The following CAMTA1 variants were observed in gnomAD, a reference collection of about 807,000 sequenced individuals.
The protein encoded by CAMTA1 is calmodulin binding transcription activator 1.
Under a neutral mutation model 170.9 loss-of-function variants are expected in CAMTA1, and 27 were observed. That is an observed-to-expected ratio of 0.16 (90% CI 0.12 to 0.22). The LOEUF (loss-of-function observed/expected upper bound fraction) is 0.22, where lower values mean the gene tolerates loss of function less well. Among genes scored for constraint, CAMTA1 ranks in the 10% least tolerant of loss-of-function variants. The pLI, the probability that CAMTA1 is intolerant of heterozygous loss-of-function variation, is 1.00. For missense variants in CAMTA1, 1,619 were observed against 2,217.2 expected (o/e 0.73, Z 5.42); for synonymous variants, 833 against 891.5 (o/e 0.93, Z 1.17).
intron 4 of CAMTA1, among the ~76,000 whole-genome samples, chr1:7,229,149 G>C (rs1410136385): frequency 6.6e-6 from 1 of 151,888 alleles, no homozygotes; most frequent in Non-Finnish European, 1.5e-5. Flanking sequence ...AGGAGGGAGA[G>C]TGGAGGTGAG....
At chr1:7,002,221 C>T (rs184253601) in intron 3 of CAMTA1, among the ~76,000 whole-genome samples, 1 of 152,210 alleles carries the variant, frequency 6.6e-6, no homozygotes, top group East Asian at 1.9e-4. Context: ...ATAGATTCTC[C>T]CCTGTTCTGT....
intron 5 of CAMTA1, among the ~76,000 whole-genome samples, chr1:7,254,885 C>T (rs1453235623): frequency 1.3e-5 from 2 of 152,182 alleles, no homozygotes; most frequent in Non-Finnish European, 2.9e-5. Context: ...GTTTGAAAAA[C>T]AGCAATAAAT....
chr1:7,201,348 A>G (rs1656656795), intron 4 of CAMTA1, among the ~76,000 whole-genome samples: 1 of 152,212 alleles, frequency 6.6e-6, no homozygotes, highest in South Asian at 2.1e-4. Flanking sequence ...ACATTTGTGC[A>G]CATGTTTTTG....
intron 5 of CAMTA1, among the ~76,000 whole-genome samples, chr1:7,386,092 C>A (rs1395430568): frequency 6.6e-6 from 1 of 152,164 alleles, no homozygotes; most frequent in South Asian, 2.1e-4. Flanking sequence ...TTCACAGGGA[C>A]CATTGTCAGG....
At chr1:6,979,667 G>T (rs965847837) in intron 3 of CAMTA1, among the ~76,000 whole-genome samples, 9 of 152,298 alleles carry the variant, frequency 5.9e-5, no homozygotes, top group African/African-American at 1.7e-4. Flanking sequence ...ACACTTAGAG[G>T]CGTTCTTAGA....
At position 7,561,821 on chromosome 1, in the gene CAMTA1, A is replaced by T. The variant is rs1012620212; in HGVS notation, c.511-78579A>T. On this transcript the variant is annotated intron_variant, in intron 6 of 22. Transcript: ENST00000303635. The surrounding 1 kb of genome is among the most constrained non-coding windows in gnomAD (Gnocchi z 5.3). ...TCCCACAAGCAGAAATGACTCGGGG[A>T]TGGATGAGAACGAACCCTCATCCCT... Among the ~76,000 whole-genome samples, 9 of 152,012 alleles carry T rather than the reference A, an allele frequency of 5.9e-5. No individual in the cohort carries two copies. The highest frequency in any genetic ancestry group is 1.9e-4 in the African/African-American group (8 of 41,392).
At chr1:7,118,033 G>A (rs1456437637) in intron 4 of CAMTA1, among the ~76,000 whole-genome samples, 2 of 152,160 alleles carry the variant, frequency 1.3e-5, no homozygotes, top group Non-Finnish European at 2.9e-5. Flanking sequence ...GGCTTACAAA[G>A]GCTTCATTAC....
At chr1:7,447,581 G>A (rs1235271013) in intron 5 of CAMTA1, among the ~76,000 whole-genome samples, 3 of 152,088 alleles carry the variant, frequency 2.0e-5, no homozygotes, top group Non-Finnish European at 2.9e-5. Context: ...CCTGGCACTC[G>A]CTAGGCATAT....
intron 3 of CAMTA1, among the ~76,000 whole-genome samples, chr1:7,060,801 T>A (rs868293288): frequency 6.6e-6 from 1 of 152,214 alleles, no homozygotes; most frequent in Non-Finnish European, 1.5e-5. Context: ...ATTGAAATTG[T>A]TCAAGAATTG....
chr1:7,212,691 TAAGA>T (rs1659000596), intron 4 of CAMTA1, among the ~76,000 whole-genome samples: 1 of 152,166 alleles, frequency 6.6e-6, no homozygotes, highest in South Asian at 2.1e-4. Flanking sequence ...TTGGCACAAT[TAAGA>T]TACAGAACAT....
intron 6 of CAMTA1, among the ~76,000 whole-genome samples, chr1:7,533,431 A>G (rs1448451824): frequency 6.6e-6 from 1 of 152,234 alleles, no homozygotes; most frequent in Non-Finnish European, 1.5e-5. Context: ...TTGACCTCTG[A>G]TAGCTTTATC....
At chr1:7,051,043 T>C (rs908790371) in intron 3 of CAMTA1, among the ~76,000 whole-genome samples, 2 of 152,126 alleles carry the variant, frequency 1.3e-5, no homozygotes, top group African/African-American at 4.8e-5. Flanking sequence ...TCAGCCCCTT[T>C]ATGTTTTGGT....
chr1:7,757,325 G>A (rs1261076478), intron 22 of CAMTA1, among the ~76,000 whole-genome samples: 1 of 152,158 alleles, frequency 6.6e-6, no homozygotes, highest in Non-Finnish European at 1.5e-5. Context: ...ATAAATGAAT[G>A]GCTATGGCTG....
intron 4 of CAMTA1, among the ~76,000 whole-genome samples, chr1:7,191,428 G>A (rs994900645): frequency 6.6e-6 from 1 of 152,186 alleles, no homozygotes; most frequent in African/African-American, 2.4e-5. Context: ...TATCAATAGT[G>A]TTGCGTTTTC....
chr1:7,389,129 C>G (rs2088388605), intron 5 of CAMTA1, among the ~76,000 whole-genome samples: 1 of 152,242 alleles, frequency 6.6e-6, no homozygotes, highest in Admixed American at 6.5e-5. Context: ...TGCAGCAGCA[C>G]AGAGCGAGTC....
chr1:6,890,087 C>T lies in CAMTA1; in HGVS notation c.234+64877C>T, dbSNP rs141404146. Among the ~76,000 whole-genome samples the T allele has an allele frequency of 4.9e-3, 741 of 152,278 alleles. 5 individuals are homozygous for T. The highest frequency in any genetic ancestry group is 0.016 in the African/African-American group (685 of 41,550). On this transcript the variant is annotated intron_variant, in intron 3 of 22. Coordinates refer to ENST00000303635, the MANE Select transcript of CAMTA1 (RefSeq NM_015215.4). ...GTGCCCTCTGGTGGCACACAGAGGA[C>T]GTCAGGCAGAGAGGGACTCTGACCC...
chr1:7,694,770 T>C (rs2096356827), intron 11 of CAMTA1: 1 of 152,446 alleles, frequency 6.6e-6, no homozygotes, highest in Non-Finnish European at 1.5e-5. Context: ...TGTCCCCTCC[T>C]CGATGGCTAC....
At chr1:7,315,278 G>A (rs182875728) in intron 5 of CAMTA1, among the ~76,000 whole-genome samples, 8 of 152,346 alleles carry the variant, frequency 5.3e-5, no homozygotes, top group Admixed American at 1.3e-4. Context: ...GTTGTCAGCT[G>A]AAGAAAATTG....
intron 3 of CAMTA1, among the ~76,000 whole-genome samples, chr1:6,956,873 C>G (rs1689546351): frequency 6.6e-6 from 1 of 152,218 alleles, no homozygotes; most frequent in South Asian, 2.1e-4. Flanking sequence ...GAGGCTCCTC[C>G]ACCCTCATCC....
Sources: gnomAD v4.1 joint callset for allele counts (sites outside exome capture counted in the v4.1 genomes callset) on GRCh38, gnomAD v4.1.1 for gene constraint, Gnocchi (gnomAD v3.1) non-coding constraint, MANE v1.5 for transcripts, NCBI Gene and HGNC (gene_info 2026-07-23, HGNC 2026-07-21) for gene names.